Variants in LYVE1 observed in about 807,000 individuals in gnomAD.
LYVE1 encodes lymphatic vessel endothelial hyaluronic acid receptor 1.
Under a neutral mutation model 31.5 loss-of-function variants are expected in LYVE1, and 29 were observed. The observed-to-expected ratio is 0.92, with a 90% CI of 0.69 to 1.26. The LOEUF (loss-of-function observed/expected upper bound fraction) is 1.26. LYVE1 is among the 50% of genes most tolerant of loss of function. The pLI is 0.00. For synonymous variants in LYVE1, 134 were observed against 139.4 expected, an observed-to-expected ratio of 0.96 and a Z score of 0.27; for missense variants, 376 against 380.2, an observed-to-expected ratio of 0.99 and a Z score of 0.09.
chr11:10,563,201 G>A (rs188233620), intron 3 of LYVE1, among the ~76,000 whole-genome samples: 1,780 of 151,858 alleles, frequency 0.012, 18 homozygotes, highest in Non-Finnish European at 0.018. Context: ...TGCCCGCCTC[G>A]GCCTCCCAAA....
intron 3 of LYVE1, 129 bp downstream of exon 3, chr11:10,563,811 T>C (rs1850479438): frequency 8.5e-7 from 1 of 1,178,504 alleles, no homozygotes; most frequent in Non-Finnish European, 1.2e-6. Context: ...AGAGAGACAG[T>C]GTCGGGAGAA....
intron 3 of LYVE1, among the ~76,000 whole-genome samples, chr11:10,562,116 G>A (rs1486627145): frequency 6.6e-6 from 1 of 152,202 alleles, no homozygotes; most frequent in Non-Finnish European, 1.5e-5. Flanking sequence ...AGAGGGCTGG[G>A]TATCATCACA....
At chr11:10,567,873 A>T (rs187514355) in intron 1 of LYVE1, among the ~76,000 whole-genome samples, 1,782 of 152,350 alleles carry the variant, frequency 0.012, 18 homozygotes, top group Non-Finnish European at 0.018. Context: ...CAAAATTAAA[A>T]TAATTATGCT....
rs1850341541 is a variant in LYVE1 at position 10,557,684 on chromosome 11, C to A, written c.*1427G>T. ...GTTTAATGTGTATGTACTTGGCCAA[C>A]TCAAAATAAAATGTTTGGAGCATGA... On this transcript the variant is annotated 3_prime_UTR_variant, in exon 6 of 6. Coordinates refer to ENST00000256178, the MANE Select transcript of LYVE1 (RefSeq NM_006691.4). The A allele has an allele frequency of 6.6e-6, 1 of 152,194 alleles. No individual in the cohort carries two copies. Among genetic ancestry groups the A allele is most frequent in the African/African-American group, 2.4e-5 (1 of 41,446 alleles). 9.4% of individuals were successfully genotyped at this position (152,194 alleles called of 1,614,324 possible).
chr11:10,565,145 C>T (rs1421623225), intron 1 of LYVE1, among the ~76,000 whole-genome samples: 4 of 152,166 alleles, frequency 2.6e-5, no homozygotes, highest in Non-Finnish European at 5.9e-5. Flanking sequence ...TGAGTAAATT[C>T]TAATACAAAT....
intron 1 of LYVE1, among the ~76,000 whole-genome samples, chr11:10,566,158 G>T (rs1281014043): frequency 6.6e-6 from 1 of 151,318 alleles, no homozygotes; most frequent in Non-Finnish European, 1.5e-5. Context: ...CACCCAGGCT[G>T]CAGTGCAGTG....
At chr11:10,561,918 A>G (rs1242324742) in intron 3 of LYVE1, among the ~76,000 whole-genome samples, 1 of 152,224 alleles carries the variant, frequency 6.6e-6, no homozygotes, top group East Asian at 1.9e-4. Context: ...ATGTATACCT[A>G]TGTAACAAAC....
chr11:10,566,985 C>G (rs1023607024), intron 1 of LYVE1, among the ~76,000 whole-genome samples: 13 of 152,148 alleles, frequency 8.5e-5, no homozygotes, highest in Admixed American at 2.6e-4. Flanking sequence ...TCTCAGGAAA[C>G]AGCAAACATA....
At chr11:10,566,110 C>CT (rs1190578967) in intron 1 of LYVE1, among the ~76,000 whole-genome samples, 107 of 147,978 alleles carry the variant, frequency 7.2e-4, no homozygotes, top group African/African-American at 2.1e-3. Context: ...GTGCCTGGCC[C>CT]TTTTTTTTTT....
At chr11:10,565,102 C>T (rs1180894022) in intron 1 of LYVE1, among the ~76,000 whole-genome samples, 2 of 152,264 alleles carry the variant, frequency 1.3e-5, no homozygotes, top group East Asian at 3.9e-4. Context: ...AAGGGAGTAA[C>T]AGTGTCTACT....
In LYVE1 at chr11:10,560,736, T is replaced by C; in HGVS notation, c.462A>G (p.Gln154=). The C allele has an allele frequency of 6.2e-7, 1 of 1,613,982 alleles. No individual in the cohort carries two copies. The highest frequency in any genetic ancestry group is 1.1e-5 in the South Asian group (1 of 91,070). ...TAAATTCTGTTGTTTGTGTTGCAGT[T>C]TGAGTGTTGAATATGGGATCTTTGG... The part of the protein sequence containing the change: ...ITTKDPIFNT[Q]TATQTTEFIV... The change falls in exon 4 of 6, where the codon CAA becomes CAG. Residue 154 remains glutamine (Q), a synonymous_variant. Transcript: ENST00000256178.
At chr11:10,566,114 T>G (rs1591516861) in intron 1 of LYVE1, among the ~76,000 whole-genome samples, 1 of 150,868 alleles carries the variant, frequency 6.6e-6, no homozygotes, top group East Asian at 2.0e-4. Flanking sequence ...CTGGCCCTTT[T>G]TTTTTTCTTT....
chr11:10,561,124 A>C (rs1850416898), intron 3 of LYVE1, among the ~76,000 whole-genome samples: 1 of 152,150 alleles, frequency 6.6e-6, no homozygotes, highest in Non-Finnish European at 1.5e-5. Context: ...ACGATGCTTT[A>C]TTCACCTTTA....
rs1850405351 is a variant in LYVE1 at position 10,560,670 on chromosome 11, A to G, written c.528T>C (p.Ser176=). 1 of 1,614,010 alleles carries G rather than the reference A, an allele frequency of 6.2e-7. No individual in the cohort carries two copies. The highest frequency in any genetic ancestry group is 1.3e-5 in the African/African-American group (1 of 74,928). Residue 176 remains serine (S), a synonymous_variant, in exon 4 of 6, where the codon TCT becomes TCC. Coordinates refer to ENST00000256178, the MANE Select transcript of LYVE1 (RefSeq NM_006691.4). ...GAGTAGTAGTAGGGGCAGGTATTGT[A>G]GAGTAAGGGGATGCCACCGAGTAGG... ...DSTYSVASPY[S]TIPAPTTTPP...
At chr11:10,564,509 G>T in intron 1 of LYVE1, 135 bp from the exon 2 acceptor site, 1 of 720,202 alleles carries the variant, frequency 1.4e-6, no homozygotes, top group Non-Finnish European at 2.3e-6. Context: ...TAGAATAACA[G>T]GACACAGACC....
In LYVE1 at chr11:10,560,553, T is replaced by C. The variant is rs1337105295; in HGVS notation, c.645A>G (p.Glu215=). The C allele has an allele frequency of 6.2e-7, 1 of 1,613,874 alleles. No homozygotes were observed. The highest frequency in any genetic ancestry group is 2.2e-5 in the East Asian group (1 of 44,874). The change falls in exon 4 of 6, where the codon GAA becomes GAG. Residue 215 remains glutamate, a synonymous_variant. Transcript: ENST00000256178. ...CTTTATTTTCAACAAATGGTTCAGT[T>C]TCTGTAGACATGGTGCTAGTTTCCA... is the stretch of plus-strand genomic sequence containing the variant. ...VFMETSTMST[E]TEPFVENKAA...
At position 10,558,969 on chromosome 11, in the gene LYVE1, G is replaced by T; in HGVS notation, c.*142C>A. The T allele has an allele frequency of 2.8e-6, 2 of 717,672 alleles. No individual in the cohort carries two copies. Among genetic ancestry groups the T allele is most frequent in the Non-Finnish European group, 4.8e-6 (2 of 417,306 alleles). The allele number at this position is 717,672 out of a possible 1,614,324, so 44.5% of individuals were successfully genotyped here. A position where few individuals can be genotyped will look rare whatever the true frequency, so the allele number is the denominator to read the frequency against. On this transcript the variant is annotated 3_prime_UTR_variant, in exon 6 of 6. Transcript: ENST00000256178. Reference sequence around the variant, plus strand: ...CTTTGGTGCACTCCATAGTCCAATGGCAGTCCTGAGCTGATTCCAGTTAGG... The same window carrying T: ...CTTTGGTGCACTCCATAGTCCAATGTCAGTCCTGAGCTGATTCCAGTTAGG...
chr11:10,559,699 A>C lies in LYVE1; in HGVS notation c.782+117T>G. ...AAGAGATGAGATGAGGGAGAAATTT[A>C]TATCAGAGGACTGCTATCTCCATTT... On this transcript the variant is annotated intron_variant, in intron 5 of 5. Transcript: ENST00000256178. 3.8e-6 allele frequency: 3 copies of C among 793,286 alleles called. No individual in the cohort carries two copies. In the South Asian group the frequency reaches 5.3e-5, roughly 14 times the overall value. 49.1% of individuals were successfully genotyped at this position (793,286 alleles called of 1,614,324 possible). A position where few individuals can be genotyped will look rare whatever the true frequency, so the allele number is the denominator to read the frequency against.
At chr11:10,566,329 C>G (rs1443874465) in intron 1 of LYVE1, among the ~76,000 whole-genome samples, 1 of 150,104 alleles carries the variant, frequency 6.7e-6, no homozygotes, top group Non-Finnish European at 1.5e-5. Flanking sequence ...AGGCTGGTCT[C>G]AAACTCCTGA....
Sources: allele counts gnomAD v4.1 joint callset (sites outside exome capture counted in the v4.1 genomes callset), GRCh38; gene constraint gnomAD v4.1.1; transcripts MANE v1.5; gene names NCBI Gene and HGNC (gene_info 2026-07-23, HGNC 2026-07-21).